MYO1F: variants seen among roughly 807,000 people sequenced by gnomAD.
MYO1F encodes the protein myosin IF.
A neutral mutation model predicts 146.6 loss-of-function variants in MYO1F; 60 were observed. The ratio of observed to expected loss-of-function variants is 0.41; its 90% CI spans 0.33 to 0.51. The LOEUF is 0.51. Ranked by LOEUF, MYO1F falls within the 20% of genes least tolerant of loss-of-function variation. MYO1F has a pLI of 0.25. For synonymous variants in MYO1F, 602 were observed against 602.1 expected (o/e 1.00, Z 0.00); for missense variants, 1,274 against 1,534.3 (o/e 0.83, Z 2.83).
chr19:8,551,987 C>T, intron 7 of MYO1F, 46 bp downstream of exon 7: 2 of 1,613,908 alleles, frequency 1.2e-6, no homozygotes, highest in Non-Finnish European at 1.7e-6. Flanking sequence ...GTCCACCCCG[C>T]TGGGCTCCAG....
intron 1 of MYO1F, among the ~76,000 whole-genome samples, chr19:8,562,151 G>C (rs573639030): frequency 2.7e-5 from 4 of 146,404 alleles, no homozygotes; most frequent in Non-Finnish European, 4.5e-5. Context: ...TCTCCTGCCC[G>C]GCTAATTTTT....
At chr19:8,546,870 G>T (rs1196894821) in intron 12 of MYO1F, among the ~76,000 whole-genome samples, 1 of 151,932 alleles carries the variant, frequency 6.6e-6, no homozygotes, top group East Asian at 1.9e-4. Flanking sequence ...GTAGAGATGG[G>T]GTTTCACCAT....
chr19:8,545,750 G>C lies in MYO1F; in HGVS notation c.1270-14C>G. On this transcript the variant is annotated splice_polypyrimidine_tract_variant and intron_variant, in intron 12 of 27. Coordinates refer to ENST00000644032, the MANE Select transcript of MYO1F (RefSeq NM_012335.4). ...CACATACTCCTCCTGGGGTGGAAAA[G>C]GGGGTGGATGTGGGGGCCAGTGAAA... The C allele has an allele frequency of 6.2e-7, 1 of 1,606,194 alleles. No homozygotes were observed. The highest frequency in any genetic ancestry group is 8.5e-7 in the Non-Finnish European group (1 of 1,172,886).
At chr19:8,574,577 T>TTCTTTCTCTC (rs1335184271) in intron 1 of MYO1F, among the ~76,000 whole-genome samples, 87 of 79,762 alleles carry the variant, frequency 1.1e-3, no homozygotes, top group South Asian at 1.9e-3. Flanking sequence ...CTTTCTTTCT[T>TTCTTTCTCTC]TCTCTCTCTC....
At position 8,530,048 on chromosome 19, in the gene MYO1F, G is replaced by C. The variant is rs1266540532; in HGVS notation, c.2328+148C>G. On this transcript the variant is annotated intron_variant, in intron 21 of 27. Transcript: ENST00000644032. The surrounding 1 kb of genome is among the most constrained non-coding windows in gnomAD (Gnocchi z 5.8). The stretch of plus-strand genomic sequence containing the variant: ...CTGGGGGATCTATGCCTGTGGGCAG[G>C]TGCATATGGGCCAGGTGAGGGTGTA... The C allele has an allele frequency of 2.8e-5, 30 of 1,069,112 alleles. 2 individuals carry two copies. The South Asian group carries it at 3.7e-4, about 13-fold the overall frequency. The allele number at this position is 1,069,112 out of a possible 1,614,324, so 66.2% of individuals were successfully genotyped here.
At chr19:8,541,421 GTGTGTTTT>G (rs1568346068) in intron 15 of MYO1F, among the ~76,000 whole-genome samples, 1 of 130,280 alleles carries the variant, frequency 7.7e-6, no homozygotes, top group Non-Finnish European at 1.6e-5. Context: ...GTGTGTGTGT[GTGTGTTTT>G]TTTTTTTTTT....
intron 1 of MYO1F, among the ~76,000 whole-genome samples, chr19:8,574,633 CT>C (rs1555733194): frequency 4.7e-5 from 2 of 42,544 alleles, no homozygotes; most frequent in Admixed American, 3.7e-4. Flanking sequence ...TTCTTTCTTT[CT>C]TTCTTTCTTT....
chr19:8,532,901 A>AATATAT (rs1555720423), intron 19 of MYO1F, among the ~76,000 whole-genome samples: 9 of 47,826 alleles, frequency 1.9e-4, no homozygotes, highest in African/African-American at 9.7e-4. Flanking sequence ...AAAAAAAAAA[A>AATATAT]ATACACACAC....
At chr19:8,567,295 G>C (rs879592559) in intron 1 of MYO1F, among the ~76,000 whole-genome samples, 1 of 151,822 alleles carries the variant, frequency 6.6e-6, no homozygotes, top group African/African-American at 2.4e-5. Context: ...TTGAACTCCT[G>C]ACCTTGTGAT....
chr19:8,574,625 CT>C (rs1202296302), intron 1 of MYO1F, among the ~76,000 whole-genome samples: 3 of 52,156 alleles, frequency 5.8e-5, no homozygotes, highest in East Asian at 8.3e-4. Context: ...TTCTTTCTTT[CT>C]TTCTTTCTTT....
chr19:8,543,681 G>C (rs1342162469), intron 14 of MYO1F, among the ~76,000 whole-genome samples: 49 of 50,140 alleles, frequency 9.8e-4, no homozygotes, highest in African/African-American at 2.2e-3. Flanking sequence ...GGTGCTGGTG[G>C]TGGTGGTGGT....
chr19:8,527,517 T>TAGCCTGGCC (rs1972319873), intron 21 of MYO1F, 34 bp from the exon 22 acceptor site: 2 of 1,610,364 alleles, frequency 1.2e-6, no homozygotes, highest in Non-Finnish European at 8.5e-7. Context: ...CTGATGCCTG[T>TAGCCTGGCC]AGCCTGGCCA....
In MYO1F at chr19:8,548,848, A is replaced by G. The variant is rs1275681220; in HGVS notation, c.1102-531T>C. Among the ~76,000 whole-genome samples the G allele has an allele frequency of 2.6e-5, 4 of 151,378 alleles. No homozygotes were observed. The South Asian group carries it at 8.4e-4, about 32-fold the overall frequency. On this transcript the variant is annotated intron_variant, in intron 10 of 27. Transcript: ENST00000644032. ...CGTGATCCGCCCGCCTCGGCCTCCC[A>G]AAGTGCCGGGATTACAGGTGTGAGC...
intron 19 of MYO1F, among the ~76,000 whole-genome samples, chr19:8,533,503 C>T (rs1241515596): frequency 1.3e-5 from 2 of 151,862 alleles, no homozygotes; most frequent in Non-Finnish European, 1.5e-5. Context: ...TACAGGCGCC[C>T]GCCACCATGC....
At chr19:8,537,085 G>A (rs562618216) in intron 16 of MYO1F, 30 bp from the exon 17 acceptor site, 2 of 1,483,464 alleles carry the variant, frequency 1.3e-6, no homozygotes, top group Admixed American at 1.8e-5. Flanking sequence ...GGGTGGGTGG[G>A]GGGCACAGAG....
At chr19:8,565,258 G>A (rs1038747856) in intron 1 of MYO1F, among the ~76,000 whole-genome samples, 2 of 152,050 alleles carry the variant, frequency 1.3e-5, no homozygotes, top group African/African-American at 2.4e-5. Context: ...AAAATTGTGG[G>A]CAGGTTGGGT....
Position 8,536,302 on chromosome 19 carries a change from C to A in MYO1F, c.1993G>T (p.Asp665Tyr). 6.2e-7 allele frequency: 1 copy of A among 1,608,328 alleles called. No homozygotes were observed. The highest frequency in any genetic ancestry group is 8.5e-7 in the Non-Finnish European group (1 of 1,179,970). ...TTGGTGCTCCCCATCTGGTACTGGT[C>A]GGGCTCCATGTTGACCGCCCGAAGC... is the stretch of plus-strand genomic sequence containing the variant. ...HLLRAVNMEP[D>Y]QYQMGSTKVF... The change falls in exon 19 of 28, where the codon GAC (aspartate) becomes TAC (tyrosine). Residue 665 changes from aspartate (D) to tyrosine (Y), a missense_variant. Physicochemically the swap from Asp to Tyr is radical, Grantham distance 160 (BLOSUM62 -3). Around this residue, in one of 2 missense-constraint regions of MYO1F, gnomAD observed 900 missense variants for 1,155.1 expected, o/e 0.78. Coordinates refer to ENST00000644032, the MANE Select transcript of MYO1F (RefSeq NM_012335.4).
rs1487091496 is a variant in MYO1F at position 8,554,547 on chromosome 19, T to C, written c.256A>G (p.Ile86Val). 2 of 1,613,594 alleles carry C rather than the reference T, an allele frequency of 1.2e-6. No homozygotes were observed. The highest frequency in any genetic ancestry group is 2.7e-5 in the African/African-American group (2 of 74,882). ...TACATGTTGTCCGTGAGGGCGTAGA[T>C]GTGCGGGGGATTCTCATACTGGGCC... ...GAAQYENPPH[I>V]YALTDNMYRN... Residue 86 changes from isoleucine (I) to valine (V), a missense_variant, in exon 4 of 28, where the codon ATC becomes GTC. Transcript: ENST00000644032.
At chr19:8,562,767 C>T (rs1257938052) in intron 1 of MYO1F, among the ~76,000 whole-genome samples, 1 of 151,828 alleles carries the variant, frequency 6.6e-6, no homozygotes, top group Non-Finnish European at 1.5e-5. Flanking sequence ...CTCCTGGGCT[C>T]AAGCAATCCT....
Sources: gnomAD v4.1 joint callset for allele counts (sites outside exome capture counted in the v4.1 genomes callset) on GRCh38, gnomAD v4.1.1 for gene constraint, gnomAD v4.1.1 regional missense constraint, Gnocchi (gnomAD v3.1) non-coding constraint, MANE v1.5 for transcripts, NCBI Gene and HGNC (gene_info 2026-07-23, HGNC 2026-07-21) for gene names.